The following ACBD6 variants were observed in gnomAD, a reference collection of about 807,000 sequenced individuals.
The protein encoded by ACBD6 is acyl-CoA binding domain containing 6.
Under a neutral mutation model 37.2 loss-of-function variants are expected in ACBD6, and 28 were observed. The observed-to-expected ratio is 0.75, with a 90% CI of 0.56 to 1.03. The LOEUF (loss-of-function observed/expected upper bound fraction) is 1.03, where lower values mean the gene tolerates loss of function less well. Ranked by LOEUF, ACBD6 falls within the 50% of genes least tolerant of loss-of-function variation. The pLI, the probability that ACBD6 is intolerant of heterozygous loss-of-function variation, is 0.00. For synonymous variants in ACBD6, 113 were observed against 126.8 expected (o/e 0.89, Z 0.73); for missense variants, 340 against 337.4 (o/e 1.01, Z -0.06).
chr1:180,452,739 C>T (rs149310058), intron 3 of ACBD6, among the ~76,000 whole-genome samples: 399 of 152,170 alleles, frequency 2.6e-3, no homozygotes, highest in African/African-American at 9.4e-3. Context: ...GATATCACCA[C>T]TGATCCTACA....
chr1:180,478,968 GA>G (rs1557887478), intron 3 of ACBD6, among the ~76,000 whole-genome samples: 1 of 151,902 alleles, frequency 6.6e-6, no homozygotes, highest in African/African-American at 2.4e-5. Context: ...CTCTACCAAA[GA>G]AAAAGAAAAA....
intron 6 of ACBD6, among the ~76,000 whole-genome samples, chr1:180,357,946 A>C (rs1198111949): frequency 6.6e-6 from 1 of 152,216 alleles, no homozygotes; most frequent in African/African-American, 2.4e-5. Flanking sequence ...ATAGCCCTCA[A>C]TAACATAAAT....
intron 6 of ACBD6, among the ~76,000 whole-genome samples, chr1:180,326,036 T>C (rs1651248920): frequency 6.6e-6 from 1 of 152,080 alleles, no homozygotes; most frequent in Admixed American, 6.5e-5. Context: ...CTACCACCTA[T>C]CTTTACTCAA....
At chr1:180,295,515 A>AT (rs35187691) in intron 7 of ACBD6, among the ~76,000 whole-genome samples, 13 of 150,458 alleles carry the variant, frequency 8.6e-5, no homozygotes, top group Admixed American at 3.3e-4. Context: ...CAGATAATGC[A>AT]TTTTTTTTTT....
chr1:180,425,125 T>C (rs541237540), intron 4 of ACBD6, among the ~76,000 whole-genome samples: 7 of 152,206 alleles, frequency 4.6e-5, no homozygotes, highest in Non-Finnish European at 8.8e-5. Context: ...AATTGCTTGG[T>C]GTGTTATTAT....
At chr1:180,317,678 G>A (rs529355772) in intron 6 of ACBD6, among the ~76,000 whole-genome samples, 6 of 152,202 alleles carry the variant, frequency 3.9e-5, no homozygotes, top group Admixed American at 2.0e-4. Context: ...GAGGGTCTCT[G>A]GTTCTTGTCA....
At chr1:180,298,056 T>C (rs1458041171) in intron 7 of ACBD6, among the ~76,000 whole-genome samples, 1 of 152,212 alleles carries the variant, frequency 6.6e-6, no homozygotes, top group African/African-American at 2.4e-5. Context: ...AAAAATAATT[T>C]TAGTCAACAT....
intron 1 of ACBD6, among the ~76,000 whole-genome samples, chr1:180,497,761 T>C (rs1651794561): frequency 6.6e-6 from 1 of 152,216 alleles, no homozygotes. Flanking sequence ...CATTTGCATA[T>C]CTAATGCTGC....
At chr1:180,474,006 G>T (rs955288489) in intron 3 of ACBD6, among the ~76,000 whole-genome samples, 1 of 152,020 alleles carries the variant, frequency 6.6e-6, no homozygotes, top group Non-Finnish European at 1.5e-5. Context: ...ACATAATAGG[G>T]TTAAAATTAT....
chr1:180,313,952 A>AT (rs572043407), intron 7 of ACBD6, among the ~76,000 whole-genome samples: 44 of 152,264 alleles, frequency 2.9e-4, no homozygotes, highest in South Asian at 2.5e-3. Context: ...CATCTTACAG[A>AT]TTTTTTTCTA....
At chr1:180,298,117 T>C (rs1256309932) in intron 7 of ACBD6, among the ~76,000 whole-genome samples, 1 of 152,176 alleles carries the variant, frequency 6.6e-6, no homozygotes, top group African/African-American at 2.4e-5. Flanking sequence ...GTATACCAAA[T>C]TGGATTAAAA....
intron 3 of ACBD6, among the ~76,000 whole-genome samples, chr1:180,475,544 ACTCAG>A (rs1341419649): frequency 1.3e-5 from 2 of 151,900 alleles, no homozygotes; most frequent in Non-Finnish European, 2.9e-5. Flanking sequence ...AAACCACCAC[ACTCAG>A]CTAATTTTTT....
intron 5 of ACBD6, among the ~76,000 whole-genome samples, chr1:180,403,671 A>ACCAAGGTGT (rs1306509672): frequency 6.6e-6 from 1 of 152,208 alleles, no homozygotes; most frequent in African/African-American, 2.4e-5. Context: ...GTAAGAGCAA[A>ACCAAGGTGT]CCAAGGTGTC....
Position 180,309,932 on chromosome 1 carries a change from T to A in ACBD6, c.694+4760A>T, listed in dbSNP as rs190845859. On this transcript the variant is annotated intron_variant, in intron 7 of 7. Transcript: ENST00000367595. ...AAGAGGAATCATATGACAGAAATAC[T>A]ATATAAACATGTTTGAGGAGTAAGT... Among the ~76,000 whole-genome samples, 595 of 152,242 alleles carry A rather than the reference T, an allele frequency of 3.9e-3. 5 individuals are homozygous for A. The highest frequency in any genetic ancestry group is 0.014 in the African/African-American group (564 of 41,526).
chr1:180,479,998 GA>G (rs1181365949), intron 3 of ACBD6, among the ~76,000 whole-genome samples: 1 of 151,418 alleles, frequency 6.6e-6, no homozygotes, highest in Non-Finnish European at 1.5e-5. Flanking sequence ...CAAAACCAAA[GA>G]AAAAAAGAAA....
intron 7 of ACBD6, among the ~76,000 whole-genome samples, chr1:180,290,545 C>A (rs1051182777): frequency 1.3e-5 from 2 of 152,114 alleles, no homozygotes; most frequent in African/African-American, 4.8e-5. Context: ...TCCTGCTATT[C>A]AGAATGGATT....
At chr1:180,426,171 G>A (rs1206177150) in intron 4 of ACBD6, among the ~76,000 whole-genome samples, 2 of 152,148 alleles carry the variant, frequency 1.3e-5, no homozygotes, top group Admixed American at 6.5e-5. Context: ...GACTGGTCTT[G>A]CTTAGAGAAG....
chr1:180,451,586 G>T (rs1410172614), intron 3 of ACBD6, among the ~76,000 whole-genome samples: 2 of 152,100 alleles, frequency 1.3e-5, no homozygotes, highest in African/African-American at 2.4e-5. Context: ...CAATGTGAAA[G>T]AACACCCTGA....
At chr1:180,471,294 G>A (rs749675477) in intron 3 of ACBD6, among the ~76,000 whole-genome samples, 26 of 151,804 alleles carry the variant, frequency 1.7e-4, no homozygotes, top group African/African-American at 5.1e-4. Flanking sequence ...CCAGCTACTC[G>A]AGAAGCTGAG....
Sources: gnomAD v4.1 joint callset for allele counts (sites outside exome capture counted in the v4.1 genomes callset) on GRCh38, gnomAD v4.1.1 for gene constraint, MANE v1.5 for transcripts, NCBI Gene and HGNC (gene_info 2026-07-23, HGNC 2026-07-21) for gene names.